The following PDE11A variants were observed in gnomAD, a reference collection of about 807,000 sequenced individuals.
The protein encoded by PDE11A is dual 3',5'-cyclic-AMP and -GMP phosphodiesterase 11A.
Under a neutral mutation model 100.5 loss-of-function variants are expected in PDE11A, and 100 were observed. The observed-to-expected ratio is 1.00, with a 90% CI of 0.85 to 1.18. PDE11A has a LOEUF of 1.18. Among genes scored for constraint, PDE11A ranks in the 50% most tolerant of loss-of-function variants. PDE11A has a pLI of 0.00. For missense variants in PDE11A, 1,141 were observed against 1,152.6 expected (o/e 0.99, Z 0.15); for synonymous variants, 381 against 420.8 (o/e 0.91, Z 1.16).
intron 1 of PDE11A, among the ~76,000 whole-genome samples, chr2:178,049,733 C>A (rs2086797294): frequency 6.6e-6 from 1 of 152,154 alleles, no homozygotes; most frequent in African/African-American, 2.4e-5. Flanking sequence ...GGTCCCACAC[C>A]CACGGAGTCT....
intron 2 of PDE11A, among the ~76,000 whole-genome samples, chr2:177,934,128 T>A (rs765944896): frequency 2.0e-5 from 3 of 152,152 alleles, no homozygotes; most frequent in South Asian, 2.1e-4. Flanking sequence ...ACAAAAAAAA[T>A]TGACAAATGG....
chr2:177,840,126 T>TA, intron 6 of PDE11A, 125 bp downstream of exon 6: 1 of 1,008,120 alleles, frequency 9.9e-7, no homozygotes, highest in Non-Finnish European at 1.5e-6. Context: ...TAGGCAATGC[T>TA]AAAAATAAGA....
intron 16 of PDE11A, among the ~76,000 whole-genome samples, chr2:177,679,912 C>T (rs1345703292): frequency 6.6e-6 from 1 of 151,782 alleles, no homozygotes; most frequent in Non-Finnish European, 1.5e-5. Context: ...AAGAAAAAGG[C>T]CTGTAAAGAT....
intron 2 of PDE11A, among the ~76,000 whole-genome samples, chr2:178,094,191 C>T (rs888725834): frequency 6.6e-6 from 1 of 151,918 alleles, no homozygotes; most frequent in Admixed American, 6.6e-5. Context: ...CACACGCAAA[C>T]ACACACACAC....
intron 4 of PDE11A, among the ~76,000 whole-genome samples, chr2:177,880,102 C>T (rs150676276): frequency 1.6e-4 from 25 of 152,302 alleles, no homozygotes; most frequent in Admixed American, 1.2e-3. Context: ...TCATGAACCA[C>T]GATTGACCTT....
At chr2:177,835,438 C>T (rs959674006) in intron 6 of PDE11A, among the ~76,000 whole-genome samples, 1 of 152,210 alleles carries the variant, frequency 6.6e-6, no homozygotes, top group Non-Finnish European at 1.5e-5. Context: ...GATGCATCCT[C>T]CAAACTGGGA....
chr2:177,837,089 T>C (rs974018955), intron 6 of PDE11A, among the ~76,000 whole-genome samples: 4 of 152,236 alleles, frequency 2.6e-5, no homozygotes, highest in Non-Finnish European at 5.9e-5. Flanking sequence ...AGTTGGACTT[T>C]TGGCCTCTCC....
At chr2:177,966,615 T>G (rs1338067312) in intron 2 of PDE11A, among the ~76,000 whole-genome samples, 4 of 152,136 alleles carry the variant, frequency 2.6e-5, no homozygotes, top group African/African-American at 9.7e-5. Flanking sequence ...AAGATGATCT[T>G]GTGGTTTTGT....
At chr2:177,993,935 A>ATT (rs2086036531) in intron 2 of PDE11A, among the ~76,000 whole-genome samples, 2 of 93,772 alleles carry the variant, frequency 2.1e-5, no homozygotes, top group Admixed American at 1.4e-4. Flanking sequence ...CGCAAATGTA[A>ATT]ATTTTTTTTT....
chr2:178,072,673 C>T lies in PDE11A; in HGVS notation c.-236G>A, dbSNP rs2087153184. ...GCTACTCCTGCTCCGCACAGGTGCC[C>T]AGCACTGAGCTGCCGCCGCTGCCCC... is the stretch of plus-strand genomic sequence containing the variant. On this transcript the variant is annotated 5_prime_UTR_variant, in exon 1 of 20. Transcript: ENST00000286063. The T allele has an allele frequency of 4.9e-6, 7 of 1,425,208 alleles. No homozygotes were observed. The highest frequency in any genetic ancestry group is 5.5e-6 in the Non-Finnish European group (6 of 1,093,036). 88.3% of individuals were successfully genotyped at this position (1,425,208 alleles called of 1,614,324 possible).
At chr2:177,674,057 C>T (rs1033671707) in intron 17 of PDE11A, among the ~76,000 whole-genome samples, 2 of 152,128 alleles carry the variant, frequency 1.3e-5, no homozygotes, top group African/African-American at 4.8e-5. Flanking sequence ...TCTGTGGATA[C>T]GCTTGCATCA....
chr2:178,014,572 A>AT, intron 1 of PDE11A, 112 bp from the exon 2 acceptor site: 1 of 793,896 alleles, frequency 1.3e-6, no homozygotes, highest in African/African-American at 1.7e-5. Context: ...AGCCCCATGA[A>AT]TTTTTAATCA....
intron 19 of PDE11A, among the ~76,000 whole-genome samples, chr2:177,660,249 A>G (rs2080465849): frequency 6.6e-6 from 1 of 152,032 alleles, no homozygotes; most frequent in Non-Finnish European, 1.5e-5. Flanking sequence ...ATGCTCACAT[A>G]TAAACATATG....
At chr2:177,839,216 G>C (rs1225007997) in intron 6 of PDE11A, among the ~76,000 whole-genome samples, 1 of 152,194 alleles carries the variant, frequency 6.6e-6, no homozygotes, top group Non-Finnish European at 1.5e-5. Context: ...CACAGGGCAG[G>C]ATTAAGATTA....
chr2:177,888,649 C>A, intron 4 of PDE11A: 2 of 936,854 alleles, frequency 2.1e-6, no homozygotes, highest in Non-Finnish European at 2.5e-6. Context: ...CAAAACCAAG[C>A]CATGCATGTC....
chr2:177,766,468 A>T (rs1263944512), intron 10 of PDE11A, among the ~76,000 whole-genome samples: 1 of 152,212 alleles, frequency 6.6e-6, no homozygotes, highest in African/African-American at 2.4e-5. Flanking sequence ...ACTTAAAAAA[A>T]CTTTTTTACA....
intron 1 of PDE11A, among the ~76,000 whole-genome samples, chr2:178,058,071 T>C (rs1244504217): frequency 6.6e-6 from 1 of 152,128 alleles, no homozygotes; most frequent in African/African-American, 2.4e-5. Flanking sequence ...TTGGCCAGGC[T>C]GGTCTTGAAC....
intron 2 of PDE11A, among the ~76,000 whole-genome samples, chr2:177,954,540 C>A (rs2085538713): frequency 1.3e-5 from 2 of 152,016 alleles, no homozygotes; most frequent in Non-Finnish European, 2.9e-5. Context: ...CTCCATTTGA[C>A]AAAATGAAGA....
At chr2:177,720,602 G>T (rs969768911) in intron 12 of PDE11A, among the ~76,000 whole-genome samples, 1 of 152,136 alleles carries the variant, frequency 6.6e-6, no homozygotes, top group African/African-American at 2.4e-5. Flanking sequence ...AGCTGATAGG[G>T]AATCACCATC....
Sources: gnomAD v4.1 joint callset for allele counts (sites outside exome capture counted in the v4.1 genomes callset) on GRCh38, gnomAD v4.1.1 for gene constraint, MANE v1.5 for transcripts, NCBI Gene and HGNC (gene_info 2026-07-23, HGNC 2026-07-21) for gene names.